MAD1L1: variants seen among roughly 807,000 people sequenced by gnomAD.
MAD1L1 encodes the protein mitotic arrest deficient 1 like 1.
Under a neutral mutation model 96.9 loss-of-function variants are expected in MAD1L1, and 95 were observed. That is an observed-to-expected ratio of 0.98 (90% CI 0.83 to 1.16). MAD1L1 has a LOEUF of 1.16. Ranked by LOEUF, MAD1L1 falls within the 50% of genes most tolerant of loss-of-function variation. The pLI is 0.00. For synonymous variants in MAD1L1, 473 were observed against 396.6 expected, an observed-to-expected ratio of 1.19 and a Z score of -2.29; for missense variants, 1,007 against 954.4, an observed-to-expected ratio of 1.06 and a Z score of -0.73.
rs1045559316 is a variant in MAD1L1, at chr7:2,222,643, G to C, written c.403C>G (p.Gln135Glu). The C allele has an allele frequency of 1.9e-6, 3 of 1,613,366 alleles. No homozygotes were observed. In the African/African-American group the frequency reaches 4.0e-5, roughly 21 times the overall value. Residue 135 changes from glutamine (Q) to glutamate (E), a missense_variant, in exon 5 of 19, where the codon CAG becomes GAG. Transcript: ENST00000265854. The stretch of plus-strand genomic sequence containing the variant: ...TTGCTGGCAGCATCCAAGTTCTGCT[G>C]ACACTGCCTGTTGCGCTCCAGCTGC... ...QEQLERNRQC[Q>E]QNLDAASKRL... is the part of the protein sequence containing the mutation.
At chr7:1,890,441 G>A (rs942914059) in intron 18 of MAD1L1, among the ~76,000 whole-genome samples, 4 of 152,210 alleles carry the variant, frequency 2.6e-5, no homozygotes, top group Non-Finnish European at 5.9e-5. Context: ...CCAAGTGGGC[G>A]GTTCCTCTTC....
At chr7:1,865,976 C>T (rs1438970943) in intron 18 of MAD1L1, among the ~76,000 whole-genome samples, 1 of 152,252 alleles carries the variant, frequency 6.6e-6, no homozygotes, top group Admixed American at 6.5e-5. Flanking sequence ...AGGCAGACAG[C>T]CGTGATGCGC....
At chr7:2,000,956 C>A (rs1481126444) in intron 14 of MAD1L1, among the ~76,000 whole-genome samples, 1 of 152,240 alleles carries the variant, frequency 6.6e-6, no homozygotes, top group Non-Finnish European at 1.5e-5. Context: ...GCCCGTACCT[C>A]TCAAGACGGT....
chr7:1,963,318 A>C (rs930185784), intron 15 of MAD1L1, among the ~76,000 whole-genome samples: 2 of 152,136 alleles, frequency 1.3e-5, no homozygotes, highest in African/African-American at 4.8e-5. Context: ...GAAGAAGCAA[A>C]AAGAGGGAGA....
rs572994628 is a variant in MAD1L1, at chr7:2,208,111, G to A, written c.986+5101C>T. On this transcript the variant is annotated intron_variant, in intron 10 of 18. Coordinates refer to ENST00000265854, the MANE Select transcript of MAD1L1 (RefSeq NM_001013836.2). Reference sequence around the variant, plus strand: ...AGGTGATCTTTAATGTCTCAGTTGCGTCTTAAGCTTCTCAGTGTACAAATC... The same window carrying A: ...AGGTGATCTTTAATGTCTCAGTTGCATCTTAAGCTTCTCAGTGTACAAATC... Among the ~76,000 whole-genome samples, 119 of 152,218 alleles carry A rather than the reference G, an allele frequency of 7.8e-4. 1 individual carries two copies. Among genetic ancestry groups the A allele is most frequent in the African/African-American group, 2.6e-3 (109 of 41,550 alleles).
chr7:2,028,557 G>A (rs1783084283), intron 12 of MAD1L1, among the ~76,000 whole-genome samples: 1 of 152,106 alleles, frequency 6.6e-6, no homozygotes, highest in South Asian at 2.1e-4. Context: ...CAAGTCCACT[G>A]GTGAGACTGA....
At chr7:2,218,295 T>C (rs1265041752) in intron 6 of MAD1L1, among the ~76,000 whole-genome samples, 1 of 152,010 alleles carries the variant, frequency 6.6e-6, no homozygotes, top group Non-Finnish European at 1.5e-5. Flanking sequence ...ACGGGGTGCG[T>C]AGTGAGCCCA....
intron 11 of MAD1L1, among the ~76,000 whole-genome samples, chr7:2,091,632 C>T (rs552928607): frequency 3.9e-5 from 6 of 152,246 alleles, no homozygotes; most frequent in Admixed American, 3.3e-4. Context: ...AAAAATTAGC[C>T]GGGCTTAGTG....
chr7:2,128,950 C>T (rs1788372654), intron 11 of MAD1L1, among the ~76,000 whole-genome samples: 1 of 152,204 alleles, frequency 6.6e-6, no homozygotes, highest in African/African-American at 2.4e-5. Context: ...CAGAGGGGGA[C>T]ACAGACCTTC....
chr7:2,009,135 C>T (rs1325993189), intron 13 of MAD1L1, among the ~76,000 whole-genome samples: 2 of 152,178 alleles, frequency 1.3e-5, no homozygotes, highest in Non-Finnish European at 2.9e-5. Context: ...CGGGTGGCTA[C>T]GTGTGCTGAG....
intron 11 of MAD1L1, among the ~76,000 whole-genome samples, chr7:2,104,352 G>C (rs571277834): frequency 5.7e-4 from 87 of 152,340 alleles, no homozygotes; most frequent in African/African-American, 2.0e-3. Flanking sequence ...CCGCCCCTCC[G>C]CGAAGGAGAG....
chr7:1,824,021 G>C (rs7786059), intron 18 of MAD1L1, among the ~76,000 whole-genome samples: 8,679 of 152,210 alleles, frequency 0.057, 616 homozygotes, highest in African/African-American at 0.16. Flanking sequence ...AGAGCGGGAA[G>C]CAAGGTCCAT....
chr7:2,181,495 TTAATCCTGCCAGAATGGCCA>T (rs1296489025), intron 10 of MAD1L1, among the ~76,000 whole-genome samples: 18 of 152,246 alleles, frequency 1.2e-4, no homozygotes, highest in African/African-American at 4.3e-4. Flanking sequence ...AGATACCACC[TTAATCCTGCCAGAATGGCCA>T]TAATTTAAAA....
intron 9 of MAD1L1, among the ~76,000 whole-genome samples, chr7:2,215,199 G>A (rs1414416487): frequency 6.6e-6 from 1 of 152,106 alleles, no homozygotes; most frequent in African/African-American, 2.4e-5. Context: ...CCAACGTGGT[G>A]AAACCCTATC....
rs1167614923 is a variant in MAD1L1 at position 2,119,237 on chromosome 7, T to C, written c.1073+29915A>G. ...AGTGCCCTCCTCTCCCTCTCCATTA[T>C]CCCCCCAAAACAAGTGACCAAAGGA... On this transcript the variant is annotated intron_variant, in intron 11 of 18. Coordinates refer to ENST00000265854, the MANE Select transcript of MAD1L1 (RefSeq NM_001013836.2). This position sits in a 1 kb window ranked among gnomAD's most constrained non-coding sequence, Gnocchi z 4.6. Among the ~76,000 whole-genome samples, 1 of 151,150 alleles carries C rather than the reference T, an allele frequency of 6.6e-6. No homozygotes were observed. The highest frequency in any genetic ancestry group is 2.4e-5 in the African/African-American group (1 of 41,078).
Position 2,148,939 on chromosome 7 carries a change from C to A in MAD1L1, c.1073+213G>T, listed in dbSNP as rs554835403. On this transcript the variant is annotated intron_variant, in intron 11 of 18. Transcript: ENST00000265854. ...TTTAGCACATTGTCAGAACGATGGA[C>A]GGTGGTGCCTCAGCGGAGGCTCACA... is the stretch of plus-strand genomic sequence containing the variant. Among the ~76,000 whole-genome samples, 4 of 152,298 alleles carry A rather than the reference C, an allele frequency of 2.6e-5. No individual in the cohort carries two copies. In the East Asian group the frequency reaches 7.7e-4, roughly 29 times the overall value.
At chr7:2,023,642 C>G (rs1782877839) in intron 12 of MAD1L1, among the ~76,000 whole-genome samples, 1 of 152,100 alleles carries the variant, frequency 6.6e-6, no homozygotes. Flanking sequence ...ACAATGTAAG[C>G]CTAAAGCAAG....
At chr7:1,924,187 A>C (rs1002443520) in intron 17 of MAD1L1, among the ~76,000 whole-genome samples, 2 of 152,244 alleles carry the variant, frequency 1.3e-5, no homozygotes, top group African/African-American at 4.8e-5. Flanking sequence ...ACACAGACTT[A>C]ACTTTTCACA....
At chr7:2,204,477 G>A (rs1289642874) in intron 10 of MAD1L1, among the ~76,000 whole-genome samples, 4 of 152,178 alleles carry the variant, frequency 2.6e-5, no homozygotes, top group East Asian at 3.8e-4. Flanking sequence ...ATCCCAGCAC[G>A]AGACTCCAGG....
Sources: allele counts gnomAD v4.1 joint callset (sites outside exome capture counted in the v4.1 genomes callset), GRCh38; gene constraint gnomAD v4.1.1; non-coding constraint Gnocchi (gnomAD v3.1); transcripts MANE v1.5; gene names NCBI Gene and HGNC (gene_info 2026-07-23, HGNC 2026-07-21).